Variants in UBE3D observed in about 807,000 individuals in gnomAD.
The protein encoded by UBE3D is ubiquitin protein ligase E3D, also known as E3 ubiquitin-protein ligase E3D.
In UBE3D, 48 loss-of-function variants were observed where a neutral mutation model predicts 49.6. The ratio of observed to expected loss-of-function variants is 0.97; its 90% CI spans 0.77 to 1.23. The LOEUF (loss-of-function observed/expected upper bound fraction) is 1.23. Among genes scored for constraint, UBE3D ranks in the 50% most tolerant of loss-of-function variants. The probability of loss-of-function intolerance (pLI) is 0.00; values close to 1 mark genes in which losing one functional copy is unlikely to be tolerated. For missense variants in UBE3D, 452 were observed against 468.4 expected (o/e 0.96, Z 0.32); for synonymous variants, 189 against 174.2 (o/e 1.08, Z -0.67).
At chr6:83,034,422 T>C (rs1210849197) in intron 5 of UBE3D, among the ~76,000 whole-genome samples, 1 of 152,186 alleles carries the variant, frequency 6.6e-6, no homozygotes, top group East Asian at 1.9e-4. Context: ...GCTAATTCTT[T>C]CCATATAATG....
At chr6:83,004,408 T>C (rs1286444663) in intron 8 of UBE3D, among the ~76,000 whole-genome samples, 2 of 152,224 alleles carry the variant, frequency 1.3e-5, no homozygotes, top group Non-Finnish European at 2.9e-5. Flanking sequence ...ACATACTGAC[T>C]AACTGAAGTT....
At chr6:82,896,255 C>T (rs1475494486) in intron 9 of UBE3D, among the ~76,000 whole-genome samples, 1 of 152,142 alleles carries the variant, frequency 6.6e-6, no homozygotes, top group Non-Finnish European at 1.5e-5. Flanking sequence ...TATTTTGTTC[C>T]ACTACACTGA....
intron 5 of UBE3D, among the ~76,000 whole-genome samples, chr6:83,028,091 T>C (rs1042830469): frequency 2.0e-5 from 3 of 152,182 alleles, no homozygotes; most frequent in African/African-American, 4.8e-5. Context: ...TTTAAGAAAT[T>C]TTATTGTATA....
chr6:83,014,248 C>A (rs1780541136), intron 8 of UBE3D, among the ~76,000 whole-genome samples: 1 of 152,216 alleles, frequency 6.6e-6, no homozygotes, highest in Non-Finnish European at 1.5e-5. Flanking sequence ...TAGGAATCAC[C>A]AACCCTGCAT....
chr6:83,052,533 CA>C (rs959387042), intron 3 of UBE3D, among the ~76,000 whole-genome samples: 24 of 152,226 alleles, frequency 1.6e-4, no homozygotes, highest in African/African-American at 5.3e-4. Context: ...TGCATTCCTC[CA>C]GGAAAGGAAG....
intron 9 of UBE3D, among the ~76,000 whole-genome samples, chr6:82,941,788 C>T (rs866751658): frequency 2.6e-5 from 4 of 152,188 alleles, no homozygotes; most frequent in Non-Finnish European, 4.4e-5. Flanking sequence ...TGTTGGCACT[C>T]ATTCTCTCTC....
chr6:83,048,999 A>G (rs1369830507), intron 3 of UBE3D, among the ~76,000 whole-genome samples: 1 of 152,220 alleles, frequency 6.6e-6, no homozygotes, highest in Non-Finnish European at 1.5e-5. Flanking sequence ...CAGCAACACA[A>G]ATTCACAATA....
chr6:83,020,475 T>G (rs928718205), intron 7 of UBE3D, among the ~76,000 whole-genome samples: 1 of 152,054 alleles, frequency 6.6e-6, no homozygotes, highest in African/African-American at 2.4e-5. Flanking sequence ...TAGTATGATA[T>G]AGCAAGGCAG....
chr6:83,060,774 G>A (rs1784122041), intron 1 of UBE3D, among the ~76,000 whole-genome samples: 1 of 152,126 alleles, frequency 6.6e-6, no homozygotes, highest in Non-Finnish European at 1.5e-5. Flanking sequence ...AAAAGACGCA[G>A]AAACCATCCA....
chr6:82,936,632 A>G (rs1193655099), intron 9 of UBE3D, among the ~76,000 whole-genome samples: 1 of 152,168 alleles, frequency 6.6e-6, no homozygotes, highest in Non-Finnish European at 1.5e-5. Flanking sequence ...CAACCTTTGT[A>G]TGCTATGGAT....
intron 8 of UBE3D, among the ~76,000 whole-genome samples, chr6:82,996,311 AAAATAAATAAATAAATAAATAAATAAAT>A (rs148895876): frequency 1.3e-5 from 2 of 148,588 alleles, no homozygotes; most frequent in East Asian, 2.0e-4. Flanking sequence ...TTTGAGCAAC[AAAATAAATAAATAAATAAATAAATAAAT>A]AAATAAATAA....
At chr6:83,050,898 A>G (rs1487766083) in intron 3 of UBE3D, among the ~76,000 whole-genome samples, 4 of 148,110 alleles carry the variant, frequency 2.7e-5, no homozygotes, top group African/African-American at 9.7e-5. Flanking sequence ...GTTTTTGGGT[A>G]AGCCTTGCTT....
At chr6:82,965,202 T>C (rs1174473070) in intron 8 of UBE3D, among the ~76,000 whole-genome samples, 1 of 152,154 alleles carries the variant, frequency 6.6e-6, no homozygotes, top group Admixed American at 6.5e-5. Context: ...TATTACTTCA[T>C]GCCAAAAAAT....
downstream of UBE3D, among the ~76,000 whole-genome samples, chr6:82,888,782 TAC>T (rs1358097309): frequency 2.6e-5 from 4 of 152,022 alleles, no homozygotes; most frequent in Admixed American, 6.6e-5. Context: ...AGAATGGTAG[TAC>T]AGTTTAGATG....
chr6:83,038,619 T>C, intron 4 of UBE3D, 134 bp from the exon 5 acceptor site: 1 of 742,976 alleles, frequency 1.3e-6, no homozygotes. Flanking sequence ...TGGGAATACA[T>C]TTAGCTTGTA....
At position 83,022,536 on chromosome 6, in the gene UBE3D, C is replaced by T. The variant is rs1385844775; in HGVS notation, c.763G>A (p.Ala255Thr). The T allele has an allele frequency of 2.1e-5, 34 of 1,601,574 alleles. No homozygotes were observed. The highest frequency in any genetic ancestry group is 2.7e-5 in the African/African-American group (2 of 73,818). Residue 255 changes from alanine (A) to threonine (T), a missense_variant, in exon 7 of 10, where the codon GCC (alanine) becomes ACC (threonine). By Grantham distance (58) the Ala-to-Thr change is moderately conservative. Coordinates refer to ENST00000369747, the MANE Select transcript of UBE3D (RefSeq NM_198920.3). The stretch of plus-strand genomic sequence containing the variant: ...GAGGAGAGCTGCACCAGACACTGGG[C>T]GATCACGCTCTGGACAAACCAAGAC... ...PRSWFVQSVI[A>T]QCLVQLSSAR...
chr6:82,890,364 A>AC (rs532736572), downstream of UBE3D, among the ~76,000 whole-genome samples: 74 of 152,132 alleles, frequency 4.9e-4, no homozygotes, highest in Non-Finnish European at 9.6e-4. Flanking sequence ...CAGACATGTT[A>AC]CCCCTCAGAC....
Position 82,892,918 on chromosome 6 carries a change from G to A in UBE3D, c.*104C>T, listed in dbSNP as rs1004377427. Reference sequence around the variant, plus strand: ...TGCAATGCTCTTATCCCATAGCTCTGGTTCTTGTCTTTGTAATTGATGCCT... The same window carrying A: ...TGCAATGCTCTTATCCCATAGCTCTAGTTCTTGTCTTTGTAATTGATGCCT... On this transcript the variant is annotated 3_prime_UTR_variant, in exon 10 of 10. Coordinates refer to ENST00000369747, the MANE Select transcript of UBE3D (RefSeq NM_198920.3). 2.3e-6 allele frequency: 3 copies of A among 1,321,424 alleles called. No homozygotes were observed. The highest frequency in any genetic ancestry group is 1.4e-5 in the African/African-American group (1 of 69,000). The allele number at this position is 1,321,424 out of a possible 1,614,324, so 81.9% of individuals were successfully genotyped here.
At chr6:82,902,635 G>C (rs554408033) in intron 9 of UBE3D, among the ~76,000 whole-genome samples, 26 of 152,286 alleles carry the variant, frequency 1.7e-4, no homozygotes, top group Non-Finnish European at 2.9e-4. Context: ...GAGAGAGGGT[G>C]TGATTATTAA....
Sources: allele counts gnomAD v4.1 joint callset (sites outside exome capture counted in the v4.1 genomes callset), GRCh38; gene constraint gnomAD v4.1.1; transcripts MANE v1.5; gene names NCBI Gene and HGNC (gene_info 2026-07-23, HGNC 2026-07-21).